The following DEPDC1B variants were observed in gnomAD, a reference collection of about 807,000 sequenced individuals.
DEPDC1B encodes the protein DEP domain-containing protein 1B.
A neutral mutation model predicts 66.5 loss-of-function variants in DEPDC1B; 51 were observed. The observed-to-expected ratio is 0.77, with a 90% CI of 0.61 to 0.97. DEPDC1B has a LOEUF of 0.97. DEPDC1B is among the 50% of genes least tolerant of loss of function. DEPDC1B has a pLI of 0.00. For synonymous variants in DEPDC1B, 226 were observed against 223.6 expected, an observed-to-expected ratio of 1.01 and a Z score of -0.10; for missense variants, 552 against 637.1, an observed-to-expected ratio of 0.87 and a Z score of 1.44.
chr5:60,599,292 T>G (rs1474807452), intron 9 of DEPDC1B, 32 bp from the exon 10 acceptor site: 2 of 1,488,288 alleles, frequency 1.3e-6, no homozygotes, highest in East Asian at 4.7e-5. Context: ...TGAAAGAATA[T>G]AGCATATTTT....
Position 60,645,520 on chromosome 5 carries a change from C to G in DEPDC1B, c.550G>C (p.Glu184Gln), listed in dbSNP as rs1440433500. 5 of 1,612,606 alleles carry G rather than the reference C, an allele frequency of 3.1e-6. No homozygotes were observed. The East Asian group carries it at 1.1e-4, about 36-fold the overall frequency. The change falls in exon 4 of 11, where the codon GAG becomes CAG. Residue 184 changes from glutamate to glutamine, a missense_variant. Transcript: ENST00000265036. Reference sequence around the variant, plus strand: ...GATAATGTCATAGACTTCCATATCTCTTCTACATTGGCCTCTGTCAGCTGT... The same window carrying G: ...GATAATGTCATAGACTTCCATATCTGTTCTACATTGGCCTCTGTCAGCTGT... Reference protein sequence around the residue: ...RRQLTEANVEEIWKSMTLSYL... With the variant: ...RRQLTEANVEQIWKSMTLSYL...
At chr5:60,689,165 T>C (rs974985609) in intron 1 of DEPDC1B, 8 of 420,078 alleles carry the variant, frequency 1.9e-5, no homozygotes, top group African/African-American at 1.4e-4. Context: ...AAAAATCCAG[T>C]TTCCTTCCAC....
At chr5:60,644,899 A>C (rs758746895) in intron 4 of DEPDC1B, 24 bp from the exon 5 acceptor site, 2 of 1,535,516 alleles carry the variant, frequency 1.3e-6, no homozygotes, top group Non-Finnish European at 1.8e-6. Context: ...AATTATATTA[A>C]TTAGTTCTGT....
chr5:60,681,760 G>A (rs899979287), intron 2 of DEPDC1B, among the ~76,000 whole-genome samples: 3 of 151,742 alleles, frequency 2.0e-5, no homozygotes, highest in Non-Finnish European at 4.4e-5. Flanking sequence ...AAGAAATAAG[G>A]AAAATAGCTT....
chr5:60,667,861 G>GGATATTTTATATATA (rs1561384263), intron 2 of DEPDC1B, among the ~76,000 whole-genome samples: 369 of 36,746 alleles, frequency 0.01, 129 homozygotes, highest in Non-Finnish European at 0.014. Context: ...TTACATATAT[G>GGATATTTTATATATA]TAAAAAATGG....
At chr5:60,697,204 C>G (rs561125594) in intron 1 of DEPDC1B, among the ~76,000 whole-genome samples, 1 of 152,284 alleles carries the variant, frequency 6.6e-6, no homozygotes, top group East Asian at 1.9e-4. Flanking sequence ...TGAGTTGGGG[C>G]TGTCATTTGA....
At chr5:60,638,976 C>G in intron 6 of DEPDC1B, 86 bp from the exon 7 acceptor site, 1 of 1,437,870 alleles carries the variant, frequency 7.0e-7, no homozygotes. Context: ...GTGGCGTGTA[C>G]AGATATTCAG....
intron 3 of DEPDC1B, among the ~76,000 whole-genome samples, chr5:60,646,994 G>A (rs569379124): frequency 5.3e-5 from 8 of 152,148 alleles, no homozygotes; most frequent in African/African-American, 1.9e-4. Flanking sequence ...ATATTATGGT[G>A]AGTAGCATAA....
intron 7 of DEPDC1B, among the ~76,000 whole-genome samples, chr5:60,618,601 C>T (rs1316676838): frequency 2.6e-5 from 4 of 152,184 alleles, no homozygotes; most frequent in African/African-American, 9.7e-5. Context: ...GAAGTTGAAT[C>T]TCTGAATAGA....
chr5:60,599,230 T>G lies in DEPDC1B; in HGVS notation c.1273A>C (p.Thr425Pro). ...IKYPGADMDI[T>P]LSAPSFCRQI... ...CGGCAAAATGATGGAGCAGATAAAG[T>G]GATATCCATATCAGCTCCTGGGTAT... is the stretch of plus-strand genomic sequence containing the variant. Residue 425 changes from threonine (T) to proline (P), a missense_variant, in exon 10 of 11, where the codon ACT becomes CCT. Coordinates refer to ENST00000265036, the MANE Select transcript of DEPDC1B (RefSeq NM_018369.3). The G allele has an allele frequency of 5.6e-6, 9 of 1,609,580 alleles. No individual in the cohort carries two copies. Among genetic ancestry groups the G allele is most frequent in the Non-Finnish European group, 7.6e-6 (9 of 1,178,726 alleles).
At chr5:60,696,901 T>C (rs118078371) in intron 1 of DEPDC1B, among the ~76,000 whole-genome samples, 1,611 of 150,046 alleles carry the variant, frequency 0.011, 40 homozygotes, top group South Asian at 0.065. Flanking sequence ...TAAAGAAAAC[T>C]GACTGGTCTG....
chr5:60,697,323 GAAAGT>G (rs1754679432), intron 1 of DEPDC1B, among the ~76,000 whole-genome samples: 1 of 152,076 alleles, frequency 6.6e-6, no homozygotes, highest in East Asian at 1.9e-4. Context: ...CATGCTTTGA[GAAAGT>G]AAAGTGAGCC....
intron 6 of DEPDC1B, 74 bp downstream of exon 6, chr5:60,642,738 G>A: frequency 1.7e-6 from 2 of 1,156,500 alleles, no homozygotes; most frequent in Admixed American, 4.1e-5. Flanking sequence ...TCAGGCCATT[G>A]AGCAGAAATT....
At chr5:60,662,329 G>A (rs112951331) in intron 2 of DEPDC1B, among the ~76,000 whole-genome samples, 175 of 152,122 alleles carry the variant, frequency 1.2e-3, no homozygotes, top group African/African-American at 3.6e-3. Flanking sequence ...CAGAGCTTGC[G>A]GTGAGCTGAG....
chr5:60,621,384 G>C (rs1020588881), intron 7 of DEPDC1B, among the ~76,000 whole-genome samples: 1 of 152,080 alleles, frequency 6.6e-6, no homozygotes, highest in African/African-American at 2.4e-5. Flanking sequence ...ATGAGTTCAT[G>C]TCCTTTGTAG....
At position 60,624,908 on chromosome 5, in the gene DEPDC1B, C is replaced by A. The variant is rs546359312; in HGVS notation, c.898+13842G>T. Among the ~76,000 whole-genome samples the A allele has an allele frequency of 7.9e-5, 12 of 151,520 alleles. No homozygotes were observed. The South Asian group carries it at 8.5e-4, about 11-fold the overall frequency. ...ATCCCTCCCCCTGCCCCCGACCCCC[C>A]ACACAGGCCCCGGTGTGTGATGTTC... On this transcript the variant is annotated intron_variant, in intron 7 of 10. Coordinates refer to ENST00000265036, the MANE Select transcript of DEPDC1B (RefSeq NM_018369.3).
intron 7 of DEPDC1B, among the ~76,000 whole-genome samples, chr5:60,607,671 G>A (rs924823920): frequency 6.6e-6 from 1 of 152,048 alleles, no homozygotes; most frequent in African/African-American, 2.4e-5. Flanking sequence ...GGAGTGAGGG[G>A]ATGTGCTCCA....
At chr5:60,642,945 C>G (rs2111869532) in intron 5 of DEPDC1B, 86 bp from the exon 6 acceptor site, 1 of 994,922 alleles carries the variant, frequency 1.0e-6, no homozygotes, top group Non-Finnish European at 1.5e-6. Flanking sequence ...GTATTACTTG[C>G]CCAAGTAATA....
intron 2 of DEPDC1B, among the ~76,000 whole-genome samples, chr5:60,686,710 G>T (rs1754419755): frequency 6.6e-6 from 1 of 152,196 alleles, no homozygotes; most frequent in African/African-American, 2.4e-5. Flanking sequence ...GTGAGCAAAA[G>T]GCATGAAAAG....
Sources: allele counts gnomAD v4.1 joint callset (sites outside exome capture counted in the v4.1 genomes callset), GRCh38; gene constraint gnomAD v4.1.1; transcripts MANE v1.5; gene names NCBI Gene and HGNC (gene_info 2026-07-23, HGNC 2026-07-21).